TM9SF3: variants seen among roughly 807,000 people sequenced by gnomAD.
TM9SF3 encodes transmembrane 9 superfamily member 3.
In TM9SF3, 14 loss-of-function variants were observed where a neutral mutation model predicts 78.6. The observed-to-expected ratio is 0.18, with a 90% confidence interval of 0.12 to 0.28. The LOEUF is 0.28. Ranked by LOEUF, TM9SF3 falls within the 10% of genes least tolerant of loss-of-function variation. The pLI is 1.00. For synonymous variants in TM9SF3, 231 were observed against 241.7 expected, an observed-to-expected ratio of 0.96 and a Z score of 0.41; for missense variants, 496 against 721.9, an observed-to-expected ratio of 0.69 and a Z score of 3.59.
At chr10:96,528,600 G>A (rs1365094564) in intron 11 of TM9SF3, among the ~76,000 whole-genome samples, 2 of 152,118 alleles carry the variant, frequency 1.3e-5, no homozygotes, top group African/African-American at 4.8e-5. Flanking sequence ...GAGCAATAAT[G>A]TATAAAATTA....
At chr10:96,552,050 G>A (rs1191650514) in intron 6 of TM9SF3, among the ~76,000 whole-genome samples, 1 of 152,138 alleles carries the variant, frequency 6.6e-6, no homozygotes, top group Non-Finnish European at 1.5e-5. Context: ...AAGGTAATCT[G>A]TTTTGGTGGG....
At chr10:96,534,759 T>A (rs1223593072) in intron 9 of TM9SF3, among the ~76,000 whole-genome samples, 1 of 152,186 alleles carries the variant, frequency 6.6e-6, no homozygotes, top group African/African-American at 2.4e-5. Flanking sequence ...TTTAAAACAC[T>A]TTCAACTGTA....
intron 5 of TM9SF3, among the ~76,000 whole-genome samples, chr10:96,554,335 T>G (rs1848209345): frequency 6.6e-6 from 1 of 152,196 alleles, no homozygotes; most frequent in Non-Finnish European, 1.5e-5. Context: ...GAAGACATGT[T>G]CCAGTTCTTC....
At chr10:96,566,992 C>T (rs533200868) in intron 2 of TM9SF3, among the ~76,000 whole-genome samples, 4 of 151,138 alleles carry the variant, frequency 2.6e-5, no homozygotes, top group African/African-American at 7.3e-5. Flanking sequence ...CCGTTAGAAA[C>T]AAATATTCAT....
Position 96,586,858 on chromosome 10 carries a change from A to T in TM9SF3, c.-23T>A, listed in dbSNP as rs927324895. On this transcript the variant is annotated 5_prime_UTR_variant, in exon 1 of 15. Coordinates refer to ENST00000371142, the MANE Select transcript of TM9SF3 (RefSeq NM_020123.4). ...CATCCTCCGCGCCCCTCCGGCCCGG[A>T]GCCGGCTCACCGACTCCTCCTCCCG... is the stretch of plus-strand genomic sequence containing the variant. 2 of 1,199,140 alleles carry T rather than the reference A, an allele frequency of 1.7e-6. No homozygotes were observed. Among genetic ancestry groups the T allele is most frequent in the Admixed American group, 4.6e-5 (1 of 21,772 alleles). The allele number at this position is 1,199,140 out of a possible 1,614,324, so 74.3% of individuals were successfully genotyped here.
intron 2 of TM9SF3, among the ~76,000 whole-genome samples, chr10:96,575,614 AAAT>A (rs1225442670): frequency 6.6e-6 from 1 of 152,170 alleles, no homozygotes; most frequent in African/African-American, 2.4e-5. Context: ...TCAAAGTACT[AAAT>A]AATAACATCT....
chr10:96,518,556 G>C lies in TM9SF3; in HGVS notation c.*3707C>G, dbSNP rs1437231810. 6.6e-6 allele frequency: 1 copy of C among 152,116 alleles called. No homozygotes were observed. Among genetic ancestry groups the C allele is most frequent in the Non-Finnish European group, 1.5e-5 (1 of 68,000 alleles). The allele number at this position is 152,116 out of a possible 1,614,324, so 9.4% of individuals were successfully genotyped here. ...ACTTCAAAATAAACAGACTTCACAA[G>C]TTTATTTCCATTCCTAACAGTGGAA... is the stretch of plus-strand genomic sequence containing the variant. On this transcript the variant is annotated 3_prime_UTR_variant, in exon 15 of 15. Coordinates refer to ENST00000371142, the MANE Select transcript of TM9SF3 (RefSeq NM_020123.4).
chr10:96,560,440 C>T (rs1399188716), intron 4 of TM9SF3: 3 of 753,326 alleles, frequency 4.0e-6, no homozygotes, highest in East Asian at 2.6e-5. Context: ...GCACAGCCAA[C>T]GGTTTCCCTT....
chr10:96,556,639 A>G (rs958429036), intron 5 of TM9SF3, among the ~76,000 whole-genome samples: 4 of 151,946 alleles, frequency 2.6e-5, no homozygotes, highest in Admixed American at 6.6e-5. Flanking sequence ...TATAAAGTTA[A>G]TGTTTTTCTT....
At position 96,533,157 on chromosome 10, in the gene TM9SF3, G is replaced by T; in HGVS notation, c.1219C>A (p.Leu407Ile). 1 of 1,612,964 alleles carries T rather than the reference G, an allele frequency of 6.2e-7. No homozygotes were observed. Among genetic ancestry groups the T allele is most frequent in the Non-Finnish European group, 8.5e-7 (1 of 1,179,568 alleles). ...AVCCICFFVI[L>I]PLNLVGTILG... ...ATTGTACCAACAAGATTTAGAGGAA[G>T]AATAACAAAAAAACAGATGCAACAA... is the stretch of plus-strand genomic sequence containing the variant. Residue 407 changes from leucine to isoleucine, a missense_variant, in exon 10 of 15, where the codon CTT becomes ATT. This residue lies in a region of TM9SF3 where 280 missense variants were observed against 422.6 expected (regional missense o/e 0.66). Coordinates refer to ENST00000371142, the MANE Select transcript of TM9SF3 (RefSeq NM_020123.4).
intron 2 of TM9SF3, among the ~76,000 whole-genome samples, chr10:96,566,763 T>C (rs1589459992): frequency 6.6e-6 from 1 of 152,178 alleles, no homozygotes; most frequent in Middle Eastern, 3.4e-3. Flanking sequence ...ATGAGATTGC[T>C]CCAAAGGGTT....
At chr10:96,584,586 T>C (rs1190064247) in intron 1 of TM9SF3, among the ~76,000 whole-genome samples, 1 of 152,200 alleles carries the variant, frequency 6.6e-6, no homozygotes, top group African/African-American at 2.4e-5. Flanking sequence ...GGCAGGCAGA[T>C]CACTTGAGGC....
At position 96,564,889 on chromosome 10, in the gene TM9SF3, G is replaced by T. The variant is rs555760614; in HGVS notation, c.421+415C>A. ...TTTTTTAGCAAAATAAGCCATTCAAGAAACTATCATACCAAGAAACCATAC... is the reference window on the plus strand; with the variant it reads ...TTTTTTAGCAAAATAAGCCATTCAATAAACTATCATACCAAGAAACCATAC... On this transcript the variant is annotated intron_variant, in intron 3 of 14. Coordinates refer to ENST00000371142, the MANE Select transcript of TM9SF3 (RefSeq NM_020123.4). 7.6e-4 allele frequency among the ~76,000 whole-genome samples: 115 copies of T among 152,046 alleles called. 1 individual carries two copies. The highest frequency in any genetic ancestry group is 2.7e-3 in the African/African-American group (111 of 41,488).
At chr10:96,561,837 A>T in intron 4 of TM9SF3, 141 bp downstream of exon 4, 1 of 721,616 alleles carries the variant, frequency 1.4e-6, no homozygotes, top group Non-Finnish European at 2.2e-6. Flanking sequence ...TTACTTACGT[A>T]CACTGAGAAA....
intron 8 of TM9SF3, among the ~76,000 whole-genome samples, chr10:96,547,267 T>C (rs1427898955): frequency 6.6e-6 from 1 of 152,224 alleles, no homozygotes; most frequent in Non-Finnish European, 1.5e-5. Flanking sequence ...CACATGCCTT[T>C]ATATTCATCT....
chr10:96,566,230 AAAGC>A (rs1848368230), intron 2 of TM9SF3, among the ~76,000 whole-genome samples: 1 of 152,240 alleles, frequency 6.6e-6, no homozygotes, highest in Non-Finnish European at 1.5e-5. Context: ...CAAGAACAAA[AAAGC>A]AAGCACAAGT....
chr10:96,528,071 C>T lies in TM9SF3; in HGVS notation c.1501G>A (p.Val501Met). 1.2e-6 allele frequency: 2 copies of T among 1,612,690 alleles called. No individual in the cohort carries two copies. Among genetic ancestry groups the T allele is most frequent in the Non-Finnish European group, 1.7e-6 (2 of 1,179,034 alleles). The change falls in exon 12 of 15, where the codon GTG (valine) becomes ATG (methionine). Residue 501 changes from valine (V) to methionine (M), a missense_variant. By Grantham distance (21) the Val-to-Met change is conservative. Transcript: ENST00000371142. ...GCATTTAGTAGAAAATATGTGCACACAATAGTCACACAGACAGTCACAATG... is the reference window on the plus strand; with the variant it reads ...GCATTTAGTAGAAAATATGTGCACATAATAGTCACACAGACAGTCACAATG... ...LCIVTVCVTI[V>M]CTYFLLNAED...
At chr10:96,562,851 A>C (rs1564936768) in intron 3 of TM9SF3, among the ~76,000 whole-genome samples, 1 of 152,320 alleles carries the variant, frequency 6.6e-6, no homozygotes, top group East Asian at 1.9e-4. Context: ...ACTGCCAGCT[A>C]TTTGTCCAAT....
intron 1 of TM9SF3, among the ~76,000 whole-genome samples, chr10:96,583,057 G>A (rs1388686243): frequency 2.8e-5 from 4 of 143,642 alleles, no homozygotes; most frequent in African/African-American, 1.0e-4. Flanking sequence ...TCCAGCCTGG[G>A]CAACAAGAGT....
Sources: allele counts gnomAD v4.1 joint callset (sites outside exome capture counted in the v4.1 genomes callset), GRCh38; gene constraint gnomAD v4.1.1; regional missense constraint gnomAD v4.1.1; transcripts MANE v1.5; gene names NCBI Gene and HGNC (gene_info 2026-07-23, HGNC 2026-07-21).